GFRA1: variants seen among roughly 807,000 people sequenced by gnomAD.
The protein encoded by GFRA1 is GDNF family receptor alpha 1.
GFRA1 carries 16 observed loss-of-function variants against 51.6 expected under a neutral mutation model. The observed-to-expected ratio is 0.31, with a 90% CI of 0.21 to 0.47. The LOEUF (loss-of-function observed/expected upper bound fraction) is 0.47, where lower values mean the gene tolerates loss of function less well. Among genes scored for constraint, GFRA1 ranks in the 20% least tolerant of loss-of-function variants. The pLI, the probability that GFRA1 is intolerant of heterozygous loss-of-function variation, is 1.00. For missense variants in GFRA1, 530 were observed against 594.3 expected, an observed-to-expected ratio of 0.89 and a Z score of 1.13; for synonymous variants, 270 against 241.3, an observed-to-expected ratio of 1.12 and a Z score of -1.10.
chr10:116,185,214 CCTAA>C (rs773733167), intron 5 of GFRA1, among the ~76,000 whole-genome samples: 2 of 151,680 alleles, frequency 1.3e-5, no homozygotes, highest in Non-Finnish European at 2.9e-5. Context: ...TCTGCTACTT[CCTAA>C]CTTTGTGATA....
At chr10:116,235,084 C>T (rs1462493570) in intron 4 of GFRA1, among the ~76,000 whole-genome samples, 1 of 152,256 alleles carries the variant, frequency 6.6e-6, no homozygotes, top group African/African-American at 2.4e-5. Context: ...TATAAATTAC[C>T]CAGTCGCAGG....
At chr10:116,154,436 T>C (rs1959167195) in intron 5 of GFRA1, among the ~76,000 whole-genome samples, 1 of 152,196 alleles carries the variant, frequency 6.6e-6, no homozygotes, top group African/African-American at 2.4e-5. Context: ...TATGAACTCA[T>C]GTTGGGCAAA....
chr10:116,266,866 T>C (rs1320402122), intron 4 of GFRA1, among the ~76,000 whole-genome samples: 2 of 152,202 alleles, frequency 1.3e-5, no homozygotes, highest in Non-Finnish European at 2.9e-5. Context: ...GGAAGAATTC[T>C]AGAGATGAGC....
chr10:116,135,319 A>G (rs1958277204), intron 5 of GFRA1, among the ~76,000 whole-genome samples: 1 of 152,224 alleles, frequency 6.6e-6, no homozygotes, highest in Admixed American at 6.5e-5. Flanking sequence ...GATCAACTAT[A>G]AAAATCTCGG....
In GFRA1 at chr10:116,096,684, T is replaced by C; in HGVS notation, c.851A>G (p.Asp284Gly). 6.2e-7 allele frequency: 1 copy of C among 1,608,728 alleles called. No individual in the cohort carries two copies. Among genetic ancestry groups the C allele is most frequent in the Non-Finnish European group, 8.5e-7 (1 of 1,175,280 alleles). Reference sequence around the variant, plus strand: ...AAGCCCCGAGTAGGCGAGGAGGCAGTCAGCGTAGTTTTCCTTTAGACAGCT... The same window carrying C: ...AAGCCCCGAGTAGGCGAGGAGGCAGCCAGCGTAGTTTTCCTTTAGACAGCT... ...VSSCLKENYA[D>G]CLLAYSGLIG... Residue 284 changes from aspartate (D) to glycine (G), a missense_variant, in exon 7 of 11, where the codon GAC becomes GGC. By Grantham distance (94) the Asp-to-Gly change is moderately conservative. Transcript: ENST00000355422.
intron 5 of GFRA1, among the ~76,000 whole-genome samples, chr10:116,127,686 C>T (rs1308125227): frequency 2.0e-5 from 3 of 152,188 alleles, no homozygotes; most frequent in East Asian, 1.9e-4. Flanking sequence ...GTGAAATAGT[C>T]GCCATGTGCC....
chr10:116,200,072 G>C (rs1295702742), intron 5 of GFRA1, among the ~76,000 whole-genome samples: 1 of 152,208 alleles, frequency 6.6e-6, no homozygotes, highest in Non-Finnish European at 1.5e-5. Context: ...TAGTTGAGTA[G>C]TGTTCCATTT....
rs5788142 is a variant in GFRA1 at position 116,206,622 on chromosome 10, C to CTTTTTTTTTT, written c.433+4999_433+5008dup. On this transcript the variant is annotated intron_variant, in intron 5 of 10. Coordinates refer to ENST00000355422, the MANE Select transcript of GFRA1 (RefSeq NM_005264.8). ...GGTTACACTTCTGAAACCACATTCT[C>CTTTTTTTTTT]TTTTTTTTTTTTTTTTTTTTTTTGA... 3.1e-4 allele frequency among the ~76,000 whole-genome samples: 26 copies of CTTTTTTTTTT among 84,502 alleles called. 1 individual carries two copies. Among genetic ancestry groups the CTTTTTTTTTT allele is most frequent in the East Asian group, 7.3e-4 (2 of 2,736 alleles). The allele number at this position is 84,502 out of a possible 152,430, so 55.4% of individuals were successfully genotyped here.
At chr10:116,245,500 C>T (rs1967791018) in intron 4 of GFRA1, among the ~76,000 whole-genome samples, 1 of 152,172 alleles carries the variant, frequency 6.6e-6, no homozygotes, top group East Asian at 1.9e-4. Context: ...ATGGTACAGC[C>T]GCTTTGCAAG....
rs1324588671 is a variant in GFRA1 at position 116,269,593 on chromosome 10, A to T, written c.335-7T>A. Reference sequence around the variant, plus strand: ...TCCTCCAGCAGATCATTTCCTAAAAACAACAGAAAGATTGGGCTCAGATCA... The same window carrying T: ...TCCTCCAGCAGATCATTTCCTAAAATCAACAGAAAGATTGGGCTCAGATCA... On this transcript the variant is annotated splice_region_variant and splice_polypyrimidine_tract_variant and intron_variant, in intron 3 of 10. Transcript: ENST00000355422. 6.4e-7 allele frequency: 1 copy of T among 1,555,880 alleles called. No individual in the cohort carries two copies. Among genetic ancestry groups the T allele is most frequent in the South Asian group, 1.1e-5 (1 of 89,910 alleles).
In GFRA1 at chr10:116,110,557, G is replaced by A. The variant is rs866168560; in HGVS notation, c.771-13793C>T. Among the ~76,000 whole-genome samples, 6 of 152,250 alleles carry A rather than the reference G, an allele frequency of 3.9e-5. 1 individual carries two copies. Among genetic ancestry groups the A allele is most frequent in the Middle Eastern group, 6.8e-3 (2 of 294 alleles). On this transcript the variant is annotated intron_variant, in intron 6 of 10. Coordinates refer to ENST00000355422, the MANE Select transcript of GFRA1 (RefSeq NM_005264.8). ...CTTTCTCTAAGCCTAGGAATACTGG[G>A]GAGCCACCTAGAGAGAGTTCTCAGC...
At chr10:116,070,148 T>G (rs1358878100) in intron 9 of GFRA1, among the ~76,000 whole-genome samples, 1 of 152,166 alleles carries the variant, frequency 6.6e-6, no homozygotes, top group Non-Finnish European at 1.5e-5. Flanking sequence ...TAGTCATAAT[T>G]AATGATGCTC....
At chr10:116,183,095 A>C (rs1429644765) in intron 5 of GFRA1, among the ~76,000 whole-genome samples, 1 of 152,190 alleles carries the variant, frequency 6.6e-6, no homozygotes, top group Non-Finnish European at 1.5e-5. Flanking sequence ...TATTGAAAGG[A>C]AACATGCATT....
chr10:116,071,542 A>G (rs904842374), intron 9 of GFRA1, among the ~76,000 whole-genome samples: 3 of 152,214 alleles, frequency 2.0e-5, no homozygotes, highest in African/African-American at 7.2e-5. Flanking sequence ...GCCAGATTCC[A>G]GATGTCTGTG....
intron 9 of GFRA1, among the ~76,000 whole-genome samples, chr10:116,081,783 G>A (rs1028474301): frequency 1.3e-5 from 2 of 152,156 alleles, no homozygotes; most frequent in African/African-American, 2.4e-5. Flanking sequence ...GGGGACTACT[G>A]GTGGTATACG....
At chr10:116,236,600 A>G (rs1017102671) in intron 4 of GFRA1, among the ~76,000 whole-genome samples, 2 of 152,222 alleles carry the variant, frequency 1.3e-5, no homozygotes, top group African/African-American at 2.4e-5. Flanking sequence ...TGTATATACA[A>G]ATTAAACATA....
At chr10:116,064,800 AT>A (rs1263992185) in intron 10 of GFRA1, among the ~76,000 whole-genome samples, 1 of 152,132 alleles carries the variant, frequency 6.6e-6, no homozygotes, top group Non-Finnish European at 1.5e-5. Context: ...GAATTATTAA[AT>A]TCATTTTGGG....
chr10:116,100,824 C>T (rs1956789976), intron 6 of GFRA1, among the ~76,000 whole-genome samples: 1 of 151,944 alleles, frequency 6.6e-6, no homozygotes, highest in African/African-American at 2.4e-5. Flanking sequence ...GAACCGAGGG[C>T]CGGAAGAGGA....
intron 5 of GFRA1, among the ~76,000 whole-genome samples, chr10:116,205,738 A>T (rs1331013910): frequency 1.3e-5 from 2 of 151,116 alleles, no homozygotes; most frequent in African/African-American, 4.9e-5. Context: ...GCGGTGGGAG[A>T]CCCTTTAAAA....
Sources: allele counts gnomAD v4.1 joint callset (sites outside exome capture counted in the v4.1 genomes callset), GRCh38; gene constraint gnomAD v4.1.1; transcripts MANE v1.5; gene names NCBI Gene and HGNC (gene_info 2026-07-23, HGNC 2026-07-21).